The following SMG7 variants were observed in gnomAD, a reference collection of about 807,000 sequenced individuals.
The protein encoded by SMG7 is SMG7 nonsense mediated mRNA decay factor.
SMG7 carries 34 observed loss-of-function variants against 148.2 expected under a neutral mutation model. That is an observed-to-expected ratio of 0.23 (90% confidence interval 0.17 to 0.31). The LOEUF (loss-of-function observed/expected upper bound fraction) is 0.31, where lower values mean the gene tolerates loss of function less well. Ranked by LOEUF, SMG7 falls within the 10% of genes least tolerant of loss-of-function variation. The pLI, the probability that SMG7 is intolerant of heterozygous loss-of-function variation, is 1.00. For missense variants in SMG7, 1,114 were observed against 1,408.4 expected, an observed-to-expected ratio of 0.79 and a Z score of 3.35; for synonymous variants, 492 against 515.1, an observed-to-expected ratio of 0.96 and a Z score of 0.61.
chr1:183,516,184 G>A, intron 3 of SMG7, 193 bp downstream of exon 3: 1 of 503,370 alleles, frequency 2.0e-6, no homozygotes, highest in Admixed American at 3.6e-5. Context: ...GGTAAGAAGA[G>A]AAATGTTTAG....
At position 183,552,134 on chromosome 1, in the gene SMG7, G is replaced by A. The variant is rs183038186; in HGVS notation, c.*203G>A. On this transcript the variant is annotated 3_prime_UTR_variant, in exon 23 of 23. Coordinates refer to ENST00000688051, the MANE Select transcript of SMG7 (RefSeq NM_001375584.1). ...AAGAAAAATCCATCAGGAACTCTCC[G>A]TCCCCCCGGGGCCCTCCGGAGGGAG... The A allele has an allele frequency of 6.3e-5, 80 of 1,265,542 alleles. No homozygotes were observed. The highest frequency in any genetic ancestry group is 7.2e-5 in the Non-Finnish European group (72 of 995,668). The allele number at this position is 1,265,542 out of a possible 1,614,324, so 78.4% of individuals were successfully genotyped here.
intron 1 of SMG7, among the ~76,000 whole-genome samples, chr1:183,493,212 C>T (rs939870869): frequency 5.9e-5 from 9 of 152,056 alleles, no homozygotes; most frequent in Admixed American, 1.3e-4. Context: ...TGGCCTCAAG[C>T]GATCCCCTGG....
chr1:183,523,994 T>A (rs920724896), intron 4 of SMG7, among the ~76,000 whole-genome samples: 2 of 151,542 alleles, frequency 1.3e-5, no homozygotes, highest in African/African-American at 4.8e-5. Context: ...GTTCCTGCCC[T>A]GTGCCTTGTG....
intron 14 of SMG7, among the ~76,000 whole-genome samples, chr1:183,543,744 C>T (rs115764128): frequency 1.0e-3 from 157 of 152,278 alleles, no homozygotes; most frequent in African/African-American, 3.7e-3. Flanking sequence ...CCTCATTTTG[C>T]TCAACTTTGA....
intron 14 of SMG7, among the ~76,000 whole-genome samples, chr1:183,542,927 ATGTGTGTGTGTG>A (rs3979479): frequency 2.3e-5 from 2 of 85,160 alleles, no homozygotes; most frequent in Non-Finnish European, 5.2e-5. Context: ...ATATATATAT[ATGTGTGTGTGTG>A]TGTGTGTGTG....
At chr1:183,500,986 T>C (rs1659596384) in intron 1 of SMG7, 1 of 152,216 alleles carries the variant, frequency 6.6e-6, no homozygotes, top group African/African-American at 2.4e-5. Context: ...AAAGTGCGCA[T>C]AGACCTGCCA....
intron 14 of SMG7, among the ~76,000 whole-genome samples, chr1:183,542,950 T>TGTGTGC (rs1669183324): frequency 6.7e-6 from 1 of 149,170 alleles, no homozygotes; most frequent in Non-Finnish European, 1.5e-5. Context: ...TGTGTGTGTG[T>TGTGTGC]GTGTGTGTGT....
In SMG7 at chr1:183,552,990, G is replaced by A. The variant is rs1414164946; in HGVS notation, c.*1059G>A. ...CATCTCCCCAAGAAGCAACAGCATG[G>A]GGTCCAGCAGTTGGGGCCCAAAAGA... is the stretch of plus-strand genomic sequence containing the variant. On this transcript the variant is annotated 3_prime_UTR_variant, in exon 23 of 23. Transcript: ENST00000688051. 1.3e-6 allele frequency: 2 copies of A among 1,536,300 alleles called. No individual in the cohort carries two copies. The highest frequency in any genetic ancestry group is 1.2e-5 in the South Asian group (1 of 84,062).
At position 183,515,902 on chromosome 1, in the gene SMG7, G is replaced by C; in HGVS notation, c.90G>C (p.Trp30Cys). 6.2e-7 allele frequency: 1 copy of C among 1,612,490 alleles called. No individual in the cohort carries two copies. Among genetic ancestry groups the C allele is most frequent in the Non-Finnish European group, 8.5e-7 (1 of 1,179,078 alleles). ...CTAAGCTGGGTCCAGCTGAAGTCTG[G>C]ACATCCAGGCAGGCTCTGCAGGACC... is the stretch of plus-strand genomic sequence containing the variant. ...TDSKLGPAEV[W>C]TSRQALQDLY... is the part of the protein sequence containing the mutation. The change falls in exon 3 of 23, where the codon TGG (tryptophan) becomes TGC (cysteine). Residue 30 changes from tryptophan (W) to cysteine (C), a missense_variant. By Grantham distance (215) the Trp-to-Cys change is radical (BLOSUM62 -2). Transcript: ENST00000688051.
intron 1 of SMG7, among the ~76,000 whole-genome samples, chr1:183,474,825 A>T (rs967609503): frequency 2.6e-5 from 4 of 152,212 alleles, no homozygotes; most frequent in African/African-American, 9.7e-5. Flanking sequence ...GGCACTTAGG[A>T]TATTGTTCAT....
In SMG7 at chr1:183,512,854, A is replaced by G. The variant is rs1466721044; in HGVS notation, c.47A>G (p.Lys16Arg). ...AQYLRQAEVL[K>R]ADMTDSKLGP... is the part of the protein sequence containing the mutation. Reference sequence around the variant, plus strand: ...CTATCTAGGCAGGCAGAAGTCCTGAAGGCTGACATGACAGGTATTGGCTGG... The same window carrying G: ...CTATCTAGGCAGGCAGAAGTCCTGAGGGCTGACATGACAGGTATTGGCTGG... Residue 16 changes from lysine (K) to arginine (R), a missense_variant, in exon 2 of 23, where the codon AAG (lysine) becomes AGG (arginine). This residue lies in a region of SMG7 where 216 missense variants were observed against 329.1 expected (regional missense o/e 0.66). Transcript: ENST00000688051. 1 of 1,586,618 alleles carries G rather than the reference A, an allele frequency of 6.3e-7. No homozygotes were observed. Among genetic ancestry groups the G allele is most frequent in the South Asian group, 1.2e-5 (1 of 84,694 alleles).
chr1:183,542,408 A>C lies in SMG7; in HGVS notation c.1748A>C (p.Asp583Ala). The change falls in exon 14 of 23, where the codon GAT (aspartate) becomes GCT (alanine). Residue 583 changes from aspartate (D) to alanine (A), a missense_variant. Around this residue, in one of 4 missense-constraint regions of SMG7, gnomAD observed 788 missense variants for 894.5 expected, o/e 0.88. Coordinates refer to ENST00000688051, the MANE Select transcript of SMG7 (RefSeq NM_001375584.1). ...AAAGGAATAACTGTAACTAAGAATG[A>C]TGGAAAGAAGGACAACAACAAGAGG... is the stretch of plus-strand genomic sequence containing the variant. ...YSKGITVTKN[D>A]GKKDNNKRKT... is the part of the protein sequence containing the mutation. The C allele has an allele frequency of 6.2e-7, 1 of 1,614,058 alleles. No homozygotes were observed. Among genetic ancestry groups the C allele is most frequent in the East Asian group, 2.2e-5 (1 of 44,854 alleles).
At chr1:183,472,853 C>T (rs2101973409) in intron 1 of SMG7, 1 of 417,044 alleles carries the variant, frequency 2.4e-6, no homozygotes. Flanking sequence ...GGGCTGAGCT[C>T]TGGCGAAGCC....
Position 183,547,154 on chromosome 1 carries a change from G to T in SMG7, c.2794G>T (p.Ala932Ser). The stretch of plus-strand genomic sequence containing the variant: ...TCCGGACCTGTTAAAGAGTCTGGCT[G>T]CCTTGGAGGAAGAGGAAGAGCTGAT... ...LPPDLLKSLA[A>S]LEEEEELIFS... The change falls in exon 18 of 23, where the codon GCC becomes TCC. Residue 932 changes from alanine to serine, a missense_variant. Around this residue, in one of 4 missense-constraint regions of SMG7, gnomAD observed 788 missense variants for 894.5 expected, o/e 0.88. Coordinates refer to ENST00000688051, the MANE Select transcript of SMG7 (RefSeq NM_001375584.1). 1 of 1,550,406 alleles carries T rather than the reference G, an allele frequency of 6.4e-7. No individual in the cohort carries two copies. Among genetic ancestry groups the T allele is most frequent in the South Asian group, 1.2e-5 (1 of 84,040 alleles).
intron 3 of SMG7, among the ~76,000 whole-genome samples, chr1:183,516,778 C>T (rs890658336): frequency 2.0e-5 from 3 of 152,122 alleles, no homozygotes; most frequent in Admixed American, 2.0e-4. Flanking sequence ...AATCCTTATC[C>T]TGTGATGTTA....
intron 1 of SMG7, among the ~76,000 whole-genome samples, chr1:183,482,430 C>T (rs186303819): frequency 6.6e-6 from 1 of 151,364 alleles, no homozygotes; most frequent in African/African-American, 2.4e-5. Flanking sequence ...TAAGTAGCCT[C>T]ATCTTAGGTA....
chr1:183,490,293 T>C (rs1656627528), intron 1 of SMG7, among the ~76,000 whole-genome samples: 1 of 152,210 alleles, frequency 6.6e-6, no homozygotes, highest in Non-Finnish European at 1.5e-5. Flanking sequence ...AGATGGATGC[T>C]TGATGGCAAA....
At chr1:183,542,876 A>G (rs1410505899) in intron 14 of SMG7, among the ~76,000 whole-genome samples, 2 of 151,248 alleles carry the variant, frequency 1.3e-5, no homozygotes, top group Non-Finnish European at 2.9e-5. Context: ...AACCAAGAGT[A>G]TATTAAGGCT....
At chr1:183,543,504 T>C (rs912845656) in intron 14 of SMG7, among the ~76,000 whole-genome samples, 5 of 151,612 alleles carry the variant, frequency 3.3e-5, no homozygotes, top group Admixed American at 1.3e-4. Context: ...AAAAATGAAC[T>C]AGAAAGCCAA....
Sources: allele counts gnomAD v4.1 joint callset (sites outside exome capture counted in the v4.1 genomes callset), GRCh38; gene constraint gnomAD v4.1.1; regional missense constraint gnomAD v4.1.1; transcripts MANE v1.5; gene names NCBI Gene and HGNC (gene_info 2026-07-23, HGNC 2026-07-21).